The following DKC1 variants were observed in gnomAD, a reference collection of about 807,000 sequenced individuals.
DKC1 encodes the protein dyskerin pseudouridine synthase 1.
Under a neutral mutation model 46.7 loss-of-function variants are expected in DKC1, and 4 were observed. That is an observed-to-expected ratio of 0.09 (90% confidence interval 0.04 to 0.20). The LOEUF (loss-of-function observed/expected upper bound fraction) is 0.20, where lower values mean the gene tolerates loss of function less well. Ranked by LOEUF, DKC1 falls within the 10% of genes least tolerant of loss-of-function variation. The pLI is 1.00. For missense variants in DKC1, 171 were observed against 404.2 expected, an observed-to-expected ratio of 0.42 and a Z score of 4.95; for synonymous variants, 141 against 142.4, an observed-to-expected ratio of 0.99 and a Z score of 0.07.
intron 1 of DKC1, among the ~76,000 whole-genome samples, chrX:154,764,658 C>T (rs2071723695): frequency 9.1e-6 from 1 of 109,446 alleles, no homozygotes; most frequent in African/African-American, 3.3e-5. Flanking sequence ...GTAGCCTTGA[C>T]CTACACAGGG....
At chrX:154,775,144 T>C in intron 12 of DKC1, 51 bp from the exon 13 acceptor site, 1 of 1,099,699 alleles carries the variant, frequency 9.1e-7, no homozygotes. Context: ...ACATCAGTAC[T>C]GCCCTGGAAA....
At chrX:154,765,343 G>A in intron 2 of DKC1, 101 bp from the exon 3 acceptor site, 1 of 699,162 alleles carries the variant, frequency 1.4e-6, no homozygotes, top group Non-Finnish European at 2.3e-6. Context: ...GGCATAGGAA[G>A]CCTTGTTTTC....
Position 154,764,985 on chromosome X carries a change from G to T in DKC1, c.84+19G>T, listed in dbSNP as rs199975650. On this transcript the variant is annotated intron_variant, in intron 2 of 14. Transcript: ENST00000369550. ...TGTAGCCGTGAGTAGTAATGTGTTTGACTTCACTTTGACTAAAAAGAAAGT... is the reference window on the plus strand; with the variant it reads ...TGTAGCCGTGAGTAGTAATGTGTTTTACTTCACTTTGACTAAAAAGAAAGT... 54 of 1,153,571 alleles carry T rather than the reference G, an allele frequency of 4.7e-5. No individual in the cohort carries two copies. The East Asian group carries it at 1.6e-3, about 34-fold the overall frequency.
intron 1 of DKC1, 50 bp downstream of exon 1, chrX:154,763,031 A>G (rs782330905): frequency 1.2e-4 from 134 of 1,074,020 alleles, no homozygotes; most frequent in Non-Finnish European, 1.6e-4. Context: ...GACTCGGGGA[A>G]CGGGGGTGGG....
chrX:154,776,324 G>A lies in DKC1; in HGVS notation c.1476G>A (p.Gly492=). The A allele has an allele frequency of 8.4e-7, 1 of 1,188,169 alleles. No individual in the cohort carries two copies. The highest frequency in any genetic ancestry group is 1.1e-6 in the Non-Finnish European group (1 of 883,173). The stretch of plus-strand genomic sequence containing the variant: ...AGAGCGGGGCCGAGCCTGGAGATGG[G>A]GTGTGTGGAAACACGTTCAGGTTCC... ...GLESGAEPGD[G]DSDTTKKKKK... Residue 492 remains glycine, a splice_region_variant and synonymous_variant, in exon 14 of 15, where the codon GGG becomes GGA. Coordinates refer to ENST00000369550, the MANE Select transcript of DKC1 (RefSeq NM_001363.5).
At chrX:154,768,911 C>T (rs929436957) in intron 8 of DKC1, 23 of 310,631 alleles carry the variant, frequency 7.4e-5, no homozygotes, top group African/African-American at 5.5e-4. Flanking sequence ...GGCGTGAACC[C>T]GGGAAGCGGA....
chrX:154,768,760 T>C (rs1481291517), intron 8 of DKC1: 78 of 322,107 alleles, frequency 2.4e-4, no homozygotes, highest in African/African-American at 2.2e-3. Flanking sequence ...CCGAGGCGGG[T>C]GGATCATGAG....
chrX:154,771,184 GGT>G (rs1557264916), intron 10 of DKC1, among the ~76,000 whole-genome samples: 1 of 95,747 alleles, frequency 1.0e-5, no homozygotes, highest in African/African-American at 4.1e-5. Flanking sequence ...TTTTGGTGGT[GGT>G]GTTTTTTTTT....
chrX:154,774,649 T>C lies in DKC1; in HGVS notation c.1203T>C (p.His401=), dbSNP rs1557265416. The stretch of plus-strand genomic sequence containing the variant: ...TCAAGCAGGGCCTTCTGGACAAGCA[T>C]GGGAAGCCCACAGACAGCACACCTG... ...LMIKQGLLDK[H]GKPTDSTPAT... is the part of the protein sequence containing the mutation. Residue 401 remains histidine (H), a synonymous_variant, in exon 12 of 15, where the codon CAT becomes CAC. Transcript: ENST00000369550. 8 of 1,211,527 alleles carry C rather than the reference T, an allele frequency of 6.6e-6. No individual in the cohort carries two copies. Among genetic ancestry groups the C allele is most frequent in the Non-Finnish European group, 8.9e-6 (8 of 895,374 alleles).
At chrX:154,766,857 C>A in intron 5 of DKC1, 140 bp from the exon 6 acceptor site, 1 of 569,934 alleles carries the variant, frequency 1.8e-6, no homozygotes. Context: ...TGAAATCTCT[C>A]TTAATGCAAA....
intron 5 of DKC1, 168 bp downstream of exon 5, chrX:154,766,568 G>A (rs1245382524): frequency 4.0e-6 from 2 of 498,930 alleles, no homozygotes; most frequent in African/African-American, 4.8e-5. Context: ...AGATCTTGGT[G>A]GTCCGCGCTT....
chrX:154,774,757 G>A (rs782486168), intron 12 of DKC1, 52 bp downstream of exon 12: 1 of 1,032,044 alleles, frequency 9.7e-7, no homozygotes, highest in African/African-American at 1.9e-5. Flanking sequence ...CACACTTGCT[G>A]CCTTGATGCA....
chrX:154,770,948 G>A (rs1269456460), intron 10 of DKC1, 69 bp downstream of exon 10: 1 of 1,081,212 alleles, frequency 9.2e-7, no homozygotes, highest in Non-Finnish European at 1.3e-6. Flanking sequence ...TATATTTATG[G>A]GGTTCATGAG....
At chrX:154,764,001 A>G (rs1403585183) in intron 1 of DKC1, among the ~76,000 whole-genome samples, 1 of 110,140 alleles carries the variant, frequency 9.1e-6, no homozygotes, top group East Asian at 2.8e-4. Flanking sequence ...TCTACTAAAA[A>G]TACAAAAAAT....
intron 13 of DKC1, among the ~76,000 whole-genome samples, 197 bp from the exon 14 acceptor site, chrX:154,775,990 A>G (rs1209793953): frequency 8.9e-6 from 1 of 112,074 alleles, no homozygotes; most frequent in Admixed American, 9.4e-5. Context: ...GCCTGCCTCA[A>G]GGCTTCTTGG....
At chrX:154,775,059 C>A in intron 12 of DKC1, 136 bp from the exon 13 acceptor site, 1 of 641,232 alleles carries the variant, frequency 1.6e-6, no homozygotes, top group Non-Finnish European at 2.7e-6. Context: ...CAGTCTGCAA[C>A]AGTAAGTGGT....
chrX:154,774,949 C>A, intron 12 of DKC1: 1 of 573,852 alleles, frequency 1.7e-6, no homozygotes, highest in Non-Finnish European at 3.2e-6. Flanking sequence ...AGCTCTTCAG[C>A]TCCCGTGAGA....
intron 9 of DKC1, among the ~76,000 whole-genome samples, chrX:154,770,411 G>A (rs1355901688): frequency 3.0e-5 from 3 of 101,652 alleles, no homozygotes; most frequent in Non-Finnish European, 5.9e-5. Flanking sequence ...GCAGTGAGCC[G>A]AGAATGTGCC....
In DKC1 at chrX:154,776,380, G is replaced by T. The variant is rs7064090; in HGVS notation, c.1476+56G>T. On this transcript the variant is annotated intron_variant, in intron 14 of 14. Coordinates refer to ENST00000369550, the MANE Select transcript of DKC1 (RefSeq NM_001363.5). ...CTGGCTTAGTCCCTGCGTGGGGAAA[G>T]AATTACCCAGGTGGTACCAGCTTTG... 6 of 1,149,507 alleles carry T rather than the reference G, an allele frequency of 5.2e-6. No individual in the cohort carries two copies. In the African/African-American group the frequency reaches 7.2e-5, roughly 14 times the overall value. The allele number at this position is 1,149,507 out of a possible 1,213,427, so 94.7% of individuals were successfully genotyped here.
Sources: gnomAD v4.1 joint callset for allele counts (sites outside exome capture counted in the v4.1 genomes callset) on GRCh38, gnomAD v4.1.1 for gene constraint, MANE v1.5 for transcripts, NCBI Gene and HGNC (gene_info 2026-07-23, HGNC 2026-07-21) for gene names.